ANO10: variants seen among roughly 807,000 people sequenced by gnomAD.
ANO10 encodes anoctamin-10.
In ANO10, 77 loss-of-function variants were observed where a neutral mutation model predicts 74.7. That is an observed-to-expected ratio of 1.03 (90% CI 0.86 to 1.25). The LOEUF is 1.25. Ranked by LOEUF, ANO10 falls within the 50% of genes most tolerant of loss-of-function variation. The pLI is 0.00. For synonymous variants in ANO10, 279 were observed against 284.9 expected (o/e 0.98, Z 0.21); for missense variants, 721 against 778.1 (o/e 0.93, Z 0.87).
chr3:43,642,219 T>C (rs1342203198), intron 1 of ANO10, among the ~76,000 whole-genome samples: 2 of 152,246 alleles, frequency 1.3e-5, no homozygotes, highest in Non-Finnish European at 2.9e-5. Flanking sequence ...TACAGTGTTT[T>C]ATTTTAAGTT....
In ANO10 at chr3:43,469,084, A is replaced by C. The variant is rs376459354; in HGVS notation, c.1798-36357T>G. Reference sequence around the variant, plus strand: ...TTGAGATGGAGTCTTGTCCTGTCACACAGGCTACAGTGCAATGGCACGATC... The same window carrying C: ...TTGAGATGGAGTCTTGTCCTGTCACCCAGGCTACAGTGCAATGGCACGATC... On this transcript the variant is annotated intron_variant, in intron 11 of 12. Coordinates refer to ENST00000292246, the MANE Select transcript of ANO10 (RefSeq NM_018075.5). Among the ~76,000 whole-genome samples, 98 of 111,940 alleles carry C rather than the reference A, an allele frequency of 8.8e-4. 1 individual carries two copies. The highest frequency in any genetic ancestry group is 2.9e-3 in the African/African-American group (83 of 28,628). 73.4% of individuals were successfully genotyped at this position (111,940 alleles called of 152,430 possible).
At chr3:43,628,719 C>CG (rs2083516257) in intron 1 of ANO10, among the ~76,000 whole-genome samples, 1 of 152,086 alleles carries the variant, frequency 6.6e-6, no homozygotes, top group South Asian at 2.1e-4. Context: ...ATGGCCCCCC[C>CG]GGGTGTGGCC....
intron 1 of ANO10, among the ~76,000 whole-genome samples, chr3:43,674,041 C>A (rs2084091525): frequency 6.6e-6 from 1 of 152,162 alleles, no homozygotes; most frequent in South Asian, 2.1e-4. Context: ...TTTCAAGGGT[C>A]ATGACTAATT....
At chr3:43,471,106 T>G (rs745739631) in intron 11 of ANO10, among the ~76,000 whole-genome samples, 2 of 152,222 alleles carry the variant, frequency 1.3e-5, no homozygotes, top group Admixed American at 6.5e-5. Context: ...AGAAGGATGC[T>G]ATAATGATTT....
intron 12 of ANO10, among the ~76,000 whole-genome samples, chr3:43,431,852 C>G (rs2148939290): frequency 6.6e-6 from 1 of 152,132 alleles, no homozygotes; most frequent in African/African-American, 2.4e-5. Flanking sequence ...TCTTCACGTT[C>G]TTTTTTTCTC....
At chr3:43,493,723 C>T (rs1040129287) in intron 11 of ANO10, among the ~76,000 whole-genome samples, 1 of 151,978 alleles carries the variant, frequency 6.6e-6, no homozygotes, top group African/African-American at 2.4e-5. Context: ...AAATAAAAAT[C>T]ATTTATTACA....
intron 11 of ANO10, among the ~76,000 whole-genome samples, chr3:43,478,549 C>T (rs1239109906): frequency 6.6e-6 from 1 of 152,198 alleles, no homozygotes; most frequent in Non-Finnish European, 1.5e-5. Context: ...GAAATTCCAA[C>T]ATCATCACAA....
intron 1 of ANO10, among the ~76,000 whole-genome samples, chr3:43,639,540 G>A (rs1039570174): frequency 2.0e-5 from 3 of 152,132 alleles, no homozygotes; most frequent in South Asian, 2.1e-4. Flanking sequence ...CGAGGTGGGC[G>A]GATCACGAGG....
At chr3:43,559,663 G>T (rs2079931519) in intron 9 of ANO10, among the ~76,000 whole-genome samples, 1 of 152,102 alleles carries the variant, frequency 6.6e-6, no homozygotes, top group South Asian at 2.1e-4. Context: ...GAGTACAGGG[G>T]ATGGACTGCT....
At chr3:43,674,831 T>C (rs1282428254) in intron 1 of ANO10, among the ~76,000 whole-genome samples, 1 of 152,156 alleles carries the variant, frequency 6.6e-6, no homozygotes, top group Non-Finnish European at 1.5e-5. Context: ...CCTGCCTCTA[T>C]CCATCCATCC....
intron 11 of ANO10, among the ~76,000 whole-genome samples, chr3:43,448,782 A>C (rs2093285837): frequency 6.6e-6 from 1 of 152,178 alleles, no homozygotes. Flanking sequence ...CTGTCCTCCA[A>C]AGTGGCTGTA....
chr3:43,524,793 A>G (rs2078116763), intron 11 of ANO10, among the ~76,000 whole-genome samples: 1 of 152,074 alleles, frequency 6.6e-6, no homozygotes, highest in African/African-American at 2.4e-5. Flanking sequence ...CAAGCCAGAA[A>G]CCTACAGTCA....
chr3:43,649,106 C>T (rs1277915460), intron 1 of ANO10, among the ~76,000 whole-genome samples: 1 of 152,176 alleles, frequency 6.6e-6, no homozygotes, highest in Non-Finnish European at 1.5e-5. Context: ...CAGTAGGTCT[C>T]AGCCTTATTT....
At chr3:43,383,532 T>A (rs1305460687) in intron 12 of ANO10, among the ~76,000 whole-genome samples, 2 of 150,430 alleles carry the variant, frequency 1.3e-5, no homozygotes, top group South Asian at 4.2e-4. Context: ...TGGTTTAACA[T>A]CTGCAAGTCA....
At position 43,640,989 on chromosome 3, in the gene ANO10, C is replaced by A. The variant is rs186560657; in HGVS notation, c.-11-35126G>T. Among the ~76,000 whole-genome samples, 33 of 152,308 alleles carry A rather than the reference C, an allele frequency of 2.2e-4. No individual in the cohort carries two copies. The East Asian group carries it at 6.4e-3, about 29-fold the overall frequency. ...TCCTCAGCCAACGCTAGCATACACG[C>A]AGGCTGCCACATGAATTGCAGCTAT... On this transcript the variant is annotated intron_variant, in intron 1 of 3. Coordinates refer to the ANO10 transcript ENST00000413397.
chr3:43,627,733 T>A (rs757221187), intron 1 of ANO10, among the ~76,000 whole-genome samples: 14 of 152,240 alleles, frequency 9.2e-5, no homozygotes, highest in Non-Finnish European at 1.5e-5. Context: ...AGTTTATTTC[T>A]AGGCAATTTA....
intron 1 of ANO10, among the ~76,000 whole-genome samples, chr3:43,614,801 A>ATATATATATATATATG (rs61457264): frequency 0.093 from 9,177 of 98,384 alleles, 1,701 homozygotes; most frequent in Non-Finnish European, 0.14. Flanking sequence ...ATATATATAT[A>ATATATATATATATATG]TAGGTTCATT....
chr3:43,480,142 T>C (rs1480401399), intron 11 of ANO10, among the ~76,000 whole-genome samples: 1 of 152,030 alleles, frequency 6.6e-6, no homozygotes, highest in Non-Finnish European at 1.5e-5. Context: ...AATAGAAGAA[T>C]TGGGAAATAC....
intron 11 of ANO10, among the ~76,000 whole-genome samples, chr3:43,539,791 T>C (rs926674986): frequency 6.6e-6 from 1 of 152,238 alleles, no homozygotes; most frequent in Non-Finnish European, 1.5e-5. Flanking sequence ...AGAGAAGCTG[T>C]TGAATTTTCT....
Sources: gnomAD v4.1 joint callset for allele counts (sites outside exome capture counted in the v4.1 genomes callset) on GRCh38, gnomAD v4.1.1 for gene constraint, MANE v1.5 for transcripts, NCBI Gene and HGNC (gene_info 2026-07-23, HGNC 2026-07-21) for gene names.